Variants in ZNF254 observed in about 807,000 individuals in gnomAD.
The protein encoded by ZNF254 is zinc finger protein 254.
ZNF254 carries 10 observed loss-of-function variants against 12.4 expected under a neutral mutation model. That is an observed-to-expected ratio of 0.80 (90% confidence interval 0.50 to 1.36). The LOEUF is 1.36. Ranked by LOEUF, ZNF254 falls within the 40% of genes most tolerant of loss-of-function variation. The probability of loss-of-function intolerance (pLI) is 0.00; values close to 1 mark genes in which losing one functional copy is unlikely to be tolerated. For missense variants in ZNF254, 996 were observed against 763.9 expected (o/e 1.30, Z -3.58); for synonymous variants, 305 against 253.4 (o/e 1.20, Z -1.93).
intron 1 of ZNF254, among the ~76,000 whole-genome samples, chr19:24,034,388 C>G (rs1191087081): frequency 6.7e-6 from 1 of 149,940 alleles, no homozygotes; most frequent in South Asian, 2.1e-4. Context: ...GGGGTTGGCA[C>G]AAAAATGGGG....
At chr19:24,087,384 G>C in intron 1 of ZNF254, 47 bp downstream of exon 1, 1 of 1,611,936 alleles carries the variant, frequency 6.2e-7, no homozygotes, top group South Asian at 1.1e-5. Context: ...GGGGCTGGTT[G>C]GAACTGGTGG....
intron 3 of ZNF254, among the ~76,000 whole-genome samples, chr19:24,120,620 A>T (rs749573095): frequency 6.6e-6 from 1 of 151,786 alleles, no homozygotes; most frequent in Non-Finnish European, 1.5e-5. Context: ...GTATTATTTT[A>T]TTTTTAAATA....
chr19:24,046,715 A>G (rs1425351142), intron 2 of ZNF254, among the ~76,000 whole-genome samples: 1 of 152,120 alleles, frequency 6.6e-6, no homozygotes, highest in Non-Finnish European at 1.5e-5. Flanking sequence ...ATAGCTCTTC[A>G]GTGTAGAGGG....
chr19:24,044,641 G>GT (rs756899438), intron 1 of ZNF254, among the ~76,000 whole-genome samples: 91 of 148,582 alleles, frequency 6.1e-4, no homozygotes, highest in Non-Finnish European at 1.0e-3. Flanking sequence ...ATTTATGCTA[G>GT]TTTTGTGGAT....
At position 24,126,400 on chromosome 19, in the gene ZNF254, G is replaced by T. The variant is rs751284902; in HGVS notation, c.400G>T (p.Val134Leu). 4 of 1,607,632 alleles carry T rather than the reference G, an allele frequency of 2.5e-6. No homozygotes were observed. Among genetic ancestry groups the T allele is most frequent in the East Asian group, 4.5e-5 (2 of 44,804 alleles). The change falls in exon 4 of 4, where the codon GTG (valine) becomes TTG (leucine). Residue 134 changes from valine (V) to leucine (L), a missense_variant. Val to Leu is a conservative substitution (Grantham distance 32). Transcript: ENST00000357002. Reference protein sequence around the residue: ...KGCKSVDEYKVNKEGYNGLNQ... With the variant: ...KGCKSVDEYKLNKEGYNGLNQ... Reference sequence around the variant, plus strand: ...CTGTAAAAGTGTGGATGAGTATAAGGTGAACAAAGAAGGTTATAATGGACT... The same window carrying T: ...CTGTAAAAGTGTGGATGAGTATAAGTTGAACAAAGAAGGTTATAATGGACT...
chr19:24,081,521 A>T (rs1971844519), intron 2 of ZNF254, among the ~76,000 whole-genome samples: 1 of 152,208 alleles, frequency 6.6e-6, no homozygotes, highest in Non-Finnish European at 1.5e-5. Flanking sequence ...TCATTTGGGA[A>T]TAAATTCCCT....
chr19:24,043,284 T>C (rs2008977), intron 1 of ZNF254, among the ~76,000 whole-genome samples: 73,477 of 151,622 alleles, frequency 0.48, 18,895 homozygotes, highest in African/African-American at 0.67. Context: ...TTTTTTGAGA[T>C]AGAATCTTAC....
At chr19:24,042,216 C>G (rs1970197506) in intron 1 of ZNF254, among the ~76,000 whole-genome samples, 1 of 152,150 alleles carries the variant, frequency 6.6e-6, no homozygotes, top group Non-Finnish European at 1.5e-5. Flanking sequence ...TGTTGAAACT[C>G]TATATCTAAC....
At chr19:24,053,006 C>T (rs1970705871) in intron 2 of ZNF254, among the ~76,000 whole-genome samples, 1 of 152,162 alleles carries the variant, frequency 6.6e-6, no homozygotes, top group Non-Finnish European at 1.5e-5. Context: ...GAACTCAGCA[C>T]ACAGGGGAGG....
chr19:24,110,898 A>G (rs936098827), intron 3 of ZNF254, among the ~76,000 whole-genome samples: 5 of 151,622 alleles, frequency 3.3e-5, no homozygotes, highest in African/African-American at 1.2e-4. Flanking sequence ...TTTCCATTTC[A>G]GTAAAACAAT....
chr19:24,109,730 T>G (rs866446333), intron 3 of ZNF254, among the ~76,000 whole-genome samples: 6 of 151,352 alleles, frequency 4.0e-5, no homozygotes, highest in African/African-American at 1.5e-4. Context: ...CTTTTTTTTT[T>G]TTTTGAGACA....
At chr19:24,042,003 ACT>A (rs1376572126) in intron 1 of ZNF254, among the ~76,000 whole-genome samples, 3 of 138,822 alleles carry the variant, frequency 2.2e-5, no homozygotes, top group Admixed American at 6.9e-5. Flanking sequence ...ACCAGTCGAC[ACT>A]CTGTATCTAG....
intron 3 of ZNF254, among the ~76,000 whole-genome samples, chr19:24,115,601 C>T (rs993109383): frequency 6.6e-6 from 1 of 151,732 alleles, no homozygotes; most frequent in African/African-American, 2.4e-5. Flanking sequence ...GTGCAGCACA[C>T]CAGCATGGCA....
In ZNF254 at chr19:24,033,613, T is replaced by C. The variant is rs1699829123; in HGVS notation, c.-198T>C. The C allele has an allele frequency of 2.2e-5, 9 of 416,080 alleles. No homozygotes were observed. In the East Asian group the frequency reaches 7.3e-4, roughly 34 times the overall value. 25.8% of individuals were successfully genotyped at this position (416,080 alleles called of 1,614,324 possible). A position where few individuals can be genotyped will look rare whatever the true frequency, so the allele number is the denominator to read the frequency against. On this transcript the variant is annotated 5_prime_UTR_variant, in exon 1 of 5. Transcript: ENST00000613065. ...TAAGATGTCAGGACATCCTGGAAGC[T>C]GGGAAAGGGTGAGTGTGCGGGGTTG...
intron 2 of ZNF254, among the ~76,000 whole-genome samples, chr19:24,062,280 G>T (rs1232906465): frequency 2.7e-4 from 41 of 152,058 alleles, no homozygotes; most frequent in Admixed American, 2.7e-3. Flanking sequence ...CAGTTTTTAG[G>T]ATTGTCATCC....
chr19:24,036,539 G>A (rs771871845), intron 1 of ZNF254, among the ~76,000 whole-genome samples: 1 of 152,176 alleles, frequency 6.6e-6, no homozygotes, highest in Non-Finnish European at 1.5e-5. Context: ...TAGGGTCTAT[G>A]CTGACTCAAG....
At position 24,127,997 on chromosome 19, in the gene ZNF254, T is replaced by C. The variant is rs753773731; in HGVS notation, c.*17T>C. On this transcript the variant is annotated 3_prime_UTR_variant, in exon 4 of 4. Coordinates refer to ENST00000357002, the MANE Select transcript of ZNF254 (RefSeq NM_203282.4). ...CAAGTATGAATAATGTGCCAAAGCC[T>C]AAGAAAACCCTCAATTCTTAATAGA... 6.6e-7 allele frequency: 1 copy of C among 1,521,178 alleles called. No homozygotes were observed. Among genetic ancestry groups the C allele is most frequent in the Non-Finnish European group, 8.8e-7 (1 of 1,141,366 alleles). The allele number at this position is 1,521,178 out of a possible 1,614,324, so 94.2% of individuals were successfully genotyped here.
chr19:24,087,456 G>T, intron 1 of ZNF254, 119 bp downstream of exon 1: 1 of 1,297,458 alleles, frequency 7.7e-7, no homozygotes, highest in Non-Finnish European at 1.1e-6. Flanking sequence ...CGCCCAGCTC[G>T]ACCTCAGTCC....
At chr19:24,122,304 A>C (rs1974535584) in intron 3 of ZNF254, among the ~76,000 whole-genome samples, 1 of 152,052 alleles carries the variant, frequency 6.6e-6, no homozygotes, top group Admixed American at 6.5e-5. Context: ...AGCTCAGTGC[A>C]ACCTCCACCT....
Sources: gnomAD v4.1 joint callset for allele counts (sites outside exome capture counted in the v4.1 genomes callset) on GRCh38, gnomAD v4.1.1 for gene constraint, MANE v1.5 for transcripts, NCBI Gene and HGNC (gene_info 2026-07-23, HGNC 2026-07-21) for gene names.